Variants in TSHZ2 observed in about 807,000 individuals in gnomAD.
The protein encoded by TSHZ2 is teashirt homolog 2.
A neutral mutation model predicts 74.4 loss-of-function variants in TSHZ2; 21 were observed. The ratio of observed to expected loss-of-function variants is 0.28; its 90% confidence interval spans 0.20 to 0.41. The LOEUF is 0.41. Among genes scored for constraint, TSHZ2 ranks in the 10% least tolerant of loss-of-function variants. TSHZ2 has a pLI of 1.00. For synonymous variants in TSHZ2, 540 were observed against 515.3 expected, an observed-to-expected ratio of 1.05 and a Z score of -0.65; for missense variants, 1,244 against 1,293.5, an observed-to-expected ratio of 0.96 and a Z score of 0.59.
chr20:53,001,230 G>GTGTGTGTGTGTGTGTGTGTGTGTGTGTA (rs1982421558), intron 1 of TSHZ2, among the ~76,000 whole-genome samples: 1 of 126,114 alleles, frequency 7.9e-6, no homozygotes, highest in Non-Finnish European at 1.8e-5. Context: ...GTGTGTGTGT[G>GTGTGTGTGTGTGTGTGTGTGTGTGTGTA]TGTGTGTGTG....
At chr20:53,234,512 T>TAC (rs1400463612) in intron 1 of TSHZ2, among the ~76,000 whole-genome samples, 1 of 152,142 alleles carries the variant, frequency 6.6e-6, no homozygotes, top group Non-Finnish European at 1.5e-5. Flanking sequence ...TACAAGTTGG[T>TAC]AAGTATGAAG....
In TSHZ2 at chr20:53,074,858, G is replaced by A. The variant is rs1006246878; in HGVS notation, c.40+101525G>A. 4.6e-5 allele frequency among the ~76,000 whole-genome samples: 7 copies of A among 152,168 alleles called. No individual in the cohort carries two copies. The highest frequency in any genetic ancestry group is 1.7e-4 in the African/African-American group (7 of 41,432). On this transcript the variant is annotated intron_variant, in intron 1 of 2. Transcript: ENST00000371497. The surrounding 1 kb of genome is among the most constrained non-coding windows in gnomAD (Gnocchi z 5.9). Reference sequence around the variant, plus strand: ...GATGAAGCAATTGAGGCTTAGAGAAGCAAATGACTTACTTGAAGTCATCCA... The same window carrying A: ...GATGAAGCAATTGAGGCTTAGAGAAACAAATGACTTACTTGAAGTCATCCA...
At chr20:53,251,299 A>T (rs904353375) in intron 1 of TSHZ2, among the ~76,000 whole-genome samples, 3 of 152,146 alleles carry the variant, frequency 2.0e-5, no homozygotes, top group East Asian at 1.9e-4. Context: ...AATTTGTCTG[A>T]TTCTCTGATG....
At position 53,063,983 on chromosome 20, in the gene TSHZ2, T is replaced by G. The variant is rs561206645; in HGVS notation, c.40+90650T>G. On this transcript the variant is annotated intron_variant, in intron 1 of 2. Transcript: ENST00000371497. ...ACTGGAAGCCTCAAGTTATATTTCT[T>G]AATAGCGATGCAGCAAATTACTATA... 2.6e-5 allele frequency among the ~76,000 whole-genome samples: 4 copies of G among 152,304 alleles called. No individual in the cohort carries two copies. In the East Asian group the frequency reaches 7.7e-4, roughly 29 times the overall value.
chr20:53,343,909 CTT>C (rs1980326910), intron 2 of TSHZ2, among the ~76,000 whole-genome samples: 1 of 152,190 alleles, frequency 6.6e-6, no homozygotes, highest in African/African-American at 2.4e-5. Flanking sequence ...TAGCGGAACT[CTT>C]TACTTCCCTT....
At chr20:53,200,318 G>A (rs1476971681) in intron 1 of TSHZ2, among the ~76,000 whole-genome samples, 1 of 152,168 alleles carries the variant, frequency 6.6e-6, no homozygotes, top group East Asian at 1.9e-4. Context: ...GACAGCGAGT[G>A]CAAGGGCCCT....
At chr20:53,168,508 C>T (rs1051934028) in intron 1 of TSHZ2, 2 of 152,198 alleles carry the variant, frequency 1.3e-5, no homozygotes, top group Non-Finnish European at 2.9e-5. Flanking sequence ...CCTTAGAAAA[C>T]TTATGATGAA....
In TSHZ2 at chr20:53,115,410, A is replaced by G. The variant is rs557027889; in HGVS notation, c.41-138089A>G. 2.8e-3 allele frequency among the ~76,000 whole-genome samples: 430 copies of G among 152,204 alleles called. 1 individual carries two copies. Among genetic ancestry groups the G allele is most frequent in the African/African-American group, 9.1e-3 (377 of 41,524 alleles). ...CTCATGGGATCTGATGGTTCTATAA[A>G]GGGCAGTTCCCCTGCACACATTCTC... On this transcript the variant is annotated intron_variant, in intron 1 of 2. Coordinates refer to ENST00000371497, the MANE Select transcript of TSHZ2 (RefSeq NM_173485.6).
chr20:53,447,508 G>A (rs1275090991), intron 2 of TSHZ2, among the ~76,000 whole-genome samples: 2 of 152,156 alleles, frequency 1.3e-5, no homozygotes, highest in Non-Finnish European at 2.9e-5. Context: ...AATTAACACT[G>A]GCTCAATACT....
At chr20:53,029,565 A>G (rs1963996704) in intron 1 of TSHZ2, among the ~76,000 whole-genome samples, 1 of 152,206 alleles carries the variant, frequency 6.6e-6, no homozygotes, top group Admixed American at 6.5e-5. Flanking sequence ...AATCCCAGCT[A>G]CTTGGGAAGC....
intron 1 of TSHZ2, among the ~76,000 whole-genome samples, chr20:53,245,171 T>C (rs1259404056): frequency 1.3e-5 from 2 of 152,186 alleles, no homozygotes; most frequent in East Asian, 3.8e-4. Flanking sequence ...TAAAGCATCT[T>C]AAGAAGCAGA....
chr20:53,220,856 G>C (rs1271512398), intron 1 of TSHZ2, among the ~76,000 whole-genome samples: 1 of 152,202 alleles, frequency 6.6e-6, no homozygotes, highest in Non-Finnish European at 1.5e-5. Flanking sequence ...TTGTGAACTG[G>C]AGTGCTTGTT....
intron 1 of TSHZ2, among the ~76,000 whole-genome samples, chr20:53,145,662 CA>C (rs1252192610): frequency 6.6e-6 from 1 of 152,164 alleles, no homozygotes; most frequent in Non-Finnish European, 1.5e-5. Flanking sequence ...AGTTTTTAAC[CA>C]AATCTTCATC....
intron 2 of TSHZ2, among the ~76,000 whole-genome samples, chr20:53,418,359 G>A (rs908463341): frequency 6.6e-6 from 1 of 152,174 alleles, no homozygotes; most frequent in Admixed American, 6.5e-5. Context: ...GCCTGAGGAT[G>A]TCATAGGCGT....
intron 1 of TSHZ2, among the ~76,000 whole-genome samples, chr20:53,059,706 A>G (rs1213721220): frequency 6.6e-6 from 1 of 152,202 alleles, no homozygotes; most frequent in Non-Finnish European, 1.5e-5. Flanking sequence ...GAAGAATTCT[A>G]TCTCACTTAT....
chr20:53,327,304 T>C (rs1979534355), intron 2 of TSHZ2, among the ~76,000 whole-genome samples: 2 of 152,214 alleles, frequency 1.3e-5, no homozygotes, highest in African/African-American at 2.4e-5. Context: ...GAGTAACTAA[T>C]GACGTACAGC....
chr20:53,008,728 T>C (rs1489375412), intron 1 of TSHZ2, among the ~76,000 whole-genome samples: 9 of 152,140 alleles, frequency 5.9e-5, no homozygotes, highest in Non-Finnish European at 8.8e-5. Flanking sequence ...CTTAGTCAAG[T>C]GTCAATTATT....
chr20:53,377,109 C>A (rs1426636440), intron 2 of TSHZ2, among the ~76,000 whole-genome samples: 9 of 152,186 alleles, frequency 5.9e-5, no homozygotes. Flanking sequence ...CATTGCAAGT[C>A]CAACTCAAAC....
At chr20:53,030,127 CAGAG>C (rs56902406) in intron 1 of TSHZ2, among the ~76,000 whole-genome samples, 2,213 of 152,166 alleles carry the variant, frequency 0.015, 59 homozygotes, top group South Asian at 0.11. Context: ...CACTGAGGCA[CAGAG>C]AGAGGAAGTG....
Sources: allele counts gnomAD v4.1 joint callset (sites outside exome capture counted in the v4.1 genomes callset), GRCh38; gene constraint gnomAD v4.1.1; non-coding constraint Gnocchi (gnomAD v3.1); transcripts MANE v1.5; gene names NCBI Gene and HGNC (gene_info 2026-07-23, HGNC 2026-07-21).